Variants in HTR1F observed in about 807,000 individuals in gnomAD.
The protein encoded by HTR1F is 5-hydroxytryptamine receptor 1F, also known as 5-hydroxytryptamine (serotonin) receptor 1F, G protein-coupled.
A neutral mutation model predicts 24.0 loss-of-function variants in HTR1F; 17 were observed. That is an observed-to-expected ratio of 0.71 (90% CI 0.48 to 1.06). The LOEUF is 1.06. Ranked by LOEUF, HTR1F falls within the 50% of genes least tolerant of loss-of-function variation. HTR1F has a pLI of 0.00. For synonymous variants in HTR1F, 186 were observed against 156.8 expected (o/e 1.19, Z -1.39); for missense variants, 391 against 427.8 (o/e 0.91, Z 0.76).
At chr3:87,807,089 C>T (rs1027277646) in intron 1 of HTR1F, among the ~76,000 whole-genome samples, 31 of 151,756 alleles carry the variant, frequency 2.0e-4, no homozygotes, top group Admixed American at 1.8e-3. Flanking sequence ...CCTTTTTGCT[C>T]AGGATTGCTT....
At chr3:87,861,718 T>C (rs372941871) in intron 2 of HTR1F, among the ~76,000 whole-genome samples, 22 of 152,202 alleles carry the variant, frequency 1.4e-4, no homozygotes, top group African/African-American at 5.3e-4. Context: ...GAAAATTAGA[T>C]GGCCAATTCC....
intron 2 of HTR1F, among the ~76,000 whole-genome samples, chr3:87,835,118 C>T (rs1175346731): frequency 6.6e-6 from 1 of 152,112 alleles, no homozygotes; most frequent in African/African-American, 2.4e-5. Context: ...AATTGATTTT[C>T]GTTCTGGACC....
At chr3:87,860,973 A>G (rs1276379091) in intron 2 of HTR1F, among the ~76,000 whole-genome samples, 1 of 152,132 alleles carries the variant, frequency 6.6e-6, no homozygotes, top group Non-Finnish European at 1.5e-5. Flanking sequence ...CCTGGCCAAC[A>G]TGGCAAAACA....
intron 2 of HTR1F, among the ~76,000 whole-genome samples, chr3:87,859,546 C>T (rs944996342): frequency 1.3e-5 from 2 of 152,098 alleles, no homozygotes; most frequent in Admixed American, 6.6e-5. Flanking sequence ...CTTATATTAC[C>T]TATGTGTCCT....
At chr3:87,921,167 A>G (rs1704005566) in intron 2 of HTR1F, among the ~76,000 whole-genome samples, 1 of 151,932 alleles carries the variant, frequency 6.6e-6, no homozygotes, top group African/African-American at 2.4e-5. Context: ...TTCAGATTAA[A>G]CCATTTAACA....
At chr3:87,963,655 T>C (rs1705108502) in intron 2 of HTR1F, among the ~76,000 whole-genome samples, 1 of 152,132 alleles carries the variant, frequency 6.6e-6, no homozygotes. Context: ...AGGAAATCCA[T>C]GATTTTATAG....
At chr3:87,865,974 C>T (rs1705418591) in intron 2 of HTR1F, among the ~76,000 whole-genome samples, 1 of 152,130 alleles carries the variant, frequency 6.6e-6, no homozygotes, top group Non-Finnish European at 1.5e-5. Flanking sequence ...ATGAGGGTTT[C>T]ATTTGCTCCA....
intron 2 of HTR1F, among the ~76,000 whole-genome samples, chr3:87,988,606 T>C (rs535977849): frequency 3.7e-4 from 56 of 152,324 alleles, no homozygotes; most frequent in African/African-American, 1.3e-3. Flanking sequence ...TTGTTTGAGA[T>C]GGTGTATCGC....
At chr3:87,947,801 A>AT (rs1704744414) in intron 2 of HTR1F, among the ~76,000 whole-genome samples, 1 of 119,458 alleles carries the variant, frequency 8.4e-6, no homozygotes. Context: ...TTTATTATAT[A>AT]ACTATTATGT....
At position 87,992,577 on chromosome 3, in the gene HTR1F, C is replaced by G. The variant is rs953115858; in HGVS notation, c.*727C>G. ...TCAGCATTTGAAATCAAAGCCTTACCTTAGTAACAATAACTCAACAAAGGG... is the reference window on the plus strand; with the variant it reads ...TCAGCATTTGAAATCAAAGCCTTACGTTAGTAACAATAACTCAACAAAGGG... On this transcript the variant is annotated 3_prime_UTR_variant, in exon 3 of 3. Transcript: ENST00000319595. The G allele has an allele frequency of 1.8e-5, 3 of 166,936 alleles. No individual in the cohort carries two copies. Among genetic ancestry groups the G allele is most frequent in the South Asian group, 2.1e-4 (1 of 4,836 alleles). 10.3% of individuals were successfully genotyped at this position (166,936 alleles called of 1,614,324 possible). A position where few individuals can be genotyped will look rare whatever the true frequency, so the allele number is the denominator to read the frequency against.
intron 1 of HTR1F, among the ~76,000 whole-genome samples, chr3:87,820,139 A>G (rs1230814211): frequency 1.3e-5 from 2 of 152,066 alleles, no homozygotes; most frequent in East Asian, 1.9e-4. Flanking sequence ...ATATGAGTAA[A>G]GATTCCAATA....
chr3:87,971,605 A>G (rs1379763354), intron 2 of HTR1F, among the ~76,000 whole-genome samples: 4 of 152,186 alleles, frequency 2.6e-5, no homozygotes, highest in Non-Finnish European at 4.4e-5. Flanking sequence ...ACAAATGCAT[A>G]ATGGGTGCAA....
At chr3:87,965,717 AT>A (rs1705150334) in intron 2 of HTR1F, among the ~76,000 whole-genome samples, 1 of 152,176 alleles carries the variant, frequency 6.6e-6, no homozygotes, top group African/African-American at 2.4e-5. Context: ...AATGCCTGAG[AT>A]TATATCCACA....
At chr3:87,927,567 A>G (rs1704157654) in intron 2 of HTR1F, among the ~76,000 whole-genome samples, 1 of 152,160 alleles carries the variant, frequency 6.6e-6, no homozygotes. Flanking sequence ...AGAAATCTAA[A>G]TAATCACATT....
Position 87,815,275 on chromosome 3 carries a change from T to C in HTR1F, c.-159-6733T>C, listed in dbSNP as rs541905874. ...GATGAAGATGGTCAGATTTAGAACA[T>C]TGTGGGTGAATCAAATATATATATA... On this transcript the variant is annotated intron_variant, in intron 1 of 2. Transcript: ENST00000319595. 1.3e-4 allele frequency among the ~76,000 whole-genome samples: 19 copies of C among 151,970 alleles called. No homozygotes were observed. In the East Asian group the frequency reaches 2.5e-3, roughly 20 times the overall value.
chr3:87,887,032 A>G (rs1205120338), intron 2 of HTR1F, among the ~76,000 whole-genome samples: 2 of 152,200 alleles, frequency 1.3e-5, no homozygotes, highest in Non-Finnish European at 2.9e-5. Flanking sequence ...ACCCTAAGCA[A>G]AAAGAACAAA....
chr3:87,843,211 A>G lies in HTR1F; in HGVS notation c.-43+21087A>G, dbSNP rs72911674. Among the ~76,000 whole-genome samples, 137 of 152,072 alleles carry G rather than the reference A, an allele frequency of 9.0e-4. 5 individuals are homozygous for G. The highest frequency in any genetic ancestry group is 3.3e-3 in the African/African-American group (135 of 41,358). On this transcript the variant is annotated intron_variant, in intron 2 of 2. Coordinates refer to ENST00000319595, the MANE Select transcript of HTR1F (RefSeq NM_001322209.2). ...AAGCAAAATGAAGGTAATCTGTAAA[A>G]TCTTTTTGTTTATGCTAGTGGTCTT...
intron 2 of HTR1F, among the ~76,000 whole-genome samples, chr3:87,945,570 C>A (rs1392157171): frequency 6.6e-6 from 1 of 152,150 alleles, no homozygotes; most frequent in Non-Finnish European, 1.5e-5. Context: ...TTCAGGATGA[C>A]AGCTTTCTGC....
intron 2 of HTR1F, among the ~76,000 whole-genome samples, chr3:87,914,958 T>A (rs1224191540): frequency 6.6e-6 from 1 of 151,870 alleles, no homozygotes; most frequent in African/African-American, 2.4e-5. Flanking sequence ...CCCTACCACC[T>A]CCACTAAAAC....
Sources: gnomAD v4.1 joint callset for allele counts (sites outside exome capture counted in the v4.1 genomes callset) on GRCh38, gnomAD v4.1.1 for gene constraint, MANE v1.5 for transcripts, NCBI Gene and HGNC (gene_info 2026-07-23, HGNC 2026-07-21) for gene names.